The following GBE1 variants were observed in gnomAD, a reference collection of about 807,000 sequenced individuals.
GBE1 encodes 1,4-alpha-glucan branching enzyme 1.
A neutral mutation model predicts 88.8 loss-of-function variants in GBE1; 70 were observed. The ratio of observed to expected loss-of-function variants is 0.79; its 90% CI spans 0.65 to 0.96. The LOEUF (loss-of-function observed/expected upper bound fraction) is 0.96, where lower values mean the gene tolerates loss of function less well. GBE1 is among the 40% of genes least tolerant of loss of function. GBE1 has a pLI of 0.00. For missense variants in GBE1, 872 were observed against 871.0 expected (o/e 1.00, Z -0.01); for synonymous variants, 284 against 300.1 (o/e 0.95, Z 0.56).
At chr3:81,513,224 TGAA>T (rs1702748359) in intron 14 of GBE1, among the ~76,000 whole-genome samples, 1 of 150,512 alleles carries the variant, frequency 6.6e-6, no homozygotes, top group Non-Finnish European at 1.5e-5. Flanking sequence ...AAAGATAACA[TGAA>T]GAATAGGTGG....
chr3:81,697,166 A>G (rs1705608711), intron 2 of GBE1, among the ~76,000 whole-genome samples: 1 of 152,236 alleles, frequency 6.6e-6, no homozygotes, highest in Non-Finnish European at 1.5e-5. Context: ...TTTGGGTTCA[A>G]TTAGTTTGCT....
chr3:81,604,991 AATTTT>A (rs543950314), intron 7 of GBE1, among the ~76,000 whole-genome samples: 3 of 152,248 alleles, frequency 2.0e-5, no homozygotes, highest in Non-Finnish European at 4.4e-5. Context: ...CATATGCCTC[AATTTT>A]TTTTAAATCA....
chr3:81,575,262 A>C (rs562040801), intron 12 of GBE1, among the ~76,000 whole-genome samples: 77 of 152,266 alleles, frequency 5.1e-4, no homozygotes, highest in African/African-American at 1.7e-3. Context: ...TATTTCATAT[A>C]TGATAGAATA....
chr3:81,687,779 T>A (rs1705461142), intron 2 of GBE1, among the ~76,000 whole-genome samples: 1 of 152,064 alleles, frequency 6.6e-6, no homozygotes, highest in Non-Finnish European at 1.5e-5. Flanking sequence ...TCAAAAGAGA[T>A]GAAACGTTGA....
At position 81,648,983 on chromosome 3, in the gene GBE1, A is replaced by C. The variant is rs1466071167; in HGVS notation, c.564T>G (p.His188Gln). 2 of 1,573,042 alleles carry C rather than the reference A, an allele frequency of 1.3e-6. No individual in the cohort carries two copies. Among genetic ancestry groups the C allele is most frequent in the East Asian group, 2.3e-5 (1 of 44,090 alleles). Reference protein sequence around the residue: ...WDPEHSYEFKHSRPKKPRSLR... With the variant: ...WDPEHSYEFKQSRPKKPRSLR... ...GACTCCGTGGCTTCTTTGGTCTGGA[A>C]TGCTTAAACTACAGAATATAAAATT... Residue 188 changes from histidine to glutamine, a missense_variant, in exon 5 of 16, where the codon CAT becomes CAG. Coordinates refer to ENST00000429644, the MANE Select transcript of GBE1 (RefSeq NM_000158.4).
chr3:81,528,059 C>A (rs866056160), intron 14 of GBE1, among the ~76,000 whole-genome samples: 21 of 151,966 alleles, frequency 1.4e-4, no homozygotes, highest in Middle Eastern at 6.8e-3. Context: ...GAGTTCATGT[C>A]CTTTGTAGGG....
intron 14 of GBE1, among the ~76,000 whole-genome samples, chr3:81,533,966 G>A (rs1052805692): frequency 9.9e-5 from 15 of 152,008 alleles, no homozygotes; most frequent in Non-Finnish European, 2.9e-5. Context: ...AAGTGCTGGG[G>A]AAACTAGACG....
intron 12 of GBE1, among the ~76,000 whole-genome samples, chr3:81,565,446 A>G (rs1703478798): frequency 6.6e-6 from 1 of 152,216 alleles, no homozygotes; most frequent in African/African-American, 2.4e-5. Context: ...AAACAACCAC[A>G]GATGGAAGAT....
chr3:81,761,292 G>C (rs1205114391), intron 1 of GBE1, 83 bp downstream of exon 1: 2 of 1,502,558 alleles, frequency 1.3e-6, no homozygotes, highest in Admixed American at 4.1e-5. Context: ...GCGCGCGAGG[G>C]CCGAGGGGCG....
chr3:81,705,641 T>A, intron 1 of GBE1, 28 bp from the exon 2 acceptor site: 3 of 1,448,096 alleles, frequency 2.1e-6, no homozygotes, highest in South Asian at 1.4e-5. Flanking sequence ...AGAAAATGAG[T>A]TAGAAAATTA....
intron 6 of GBE1, among the ~76,000 whole-genome samples, chr3:81,644,540 A>G (rs1349033674): frequency 6.6e-6 from 1 of 152,202 alleles, no homozygotes; most frequent in Non-Finnish European, 1.5e-5. Flanking sequence ...GAGTCAGGCA[A>G]GAAGCACATC....
At chr3:81,573,944 C>T (rs944488053) in intron 12 of GBE1, among the ~76,000 whole-genome samples, 1 of 152,012 alleles carries the variant, frequency 6.6e-6, no homozygotes, top group African/African-American at 2.4e-5. Context: ...ATTGGCTTAT[C>T]CCAAAAATAA....
chr3:81,637,622 G>C (rs374492509), intron 7 of GBE1, among the ~76,000 whole-genome samples: 8 of 151,596 alleles, frequency 5.3e-5, no homozygotes, highest in African/African-American at 1.9e-4. Flanking sequence ...TTTGTCATTG[G>C]GTGAATTGTT....
chr3:81,569,670 T>C (rs932574525), intron 12 of GBE1, among the ~76,000 whole-genome samples: 1 of 152,182 alleles, frequency 6.6e-6, no homozygotes, highest in Admixed American at 6.5e-5. Flanking sequence ...TGGAGAAAAC[T>C]AGCAGTCACG....
chr3:81,696,213 G>A (rs142685359), intron 2 of GBE1, among the ~76,000 whole-genome samples: 96 of 152,276 alleles, frequency 6.3e-4, no homozygotes, highest in Non-Finnish European at 1.2e-3. Context: ...CAGACCAAGC[G>A]TCAAGACTAA....
At chr3:81,609,999 T>C (rs1042951600) in intron 7 of GBE1, among the ~76,000 whole-genome samples, 3 of 152,172 alleles carry the variant, frequency 2.0e-5, no homozygotes, top group Admixed American at 1.3e-4. Flanking sequence ...TCAATAAAGA[T>C]ACAAATGTGA....
chr3:81,564,371 G>A (rs1703462073), intron 12 of GBE1, among the ~76,000 whole-genome samples: 1 of 152,028 alleles, frequency 6.6e-6, no homozygotes, highest in Non-Finnish European at 1.5e-5. Flanking sequence ...CCCAACTGAG[G>A]AGAAATTCAA....
intron 14 of GBE1, among the ~76,000 whole-genome samples, chr3:81,516,276 C>CTA (rs1702797859): frequency 6.6e-6 from 1 of 151,518 alleles, no homozygotes; most frequent in Non-Finnish European, 1.5e-5. Context: ...TTCCAAAAAC[C>CTA]TATGCCCTTA....
chr3:81,743,656 T>C (rs757063140), intron 1 of GBE1: 27 of 1,458,214 alleles, frequency 1.9e-5, no homozygotes, highest in Non-Finnish European at 2.5e-5. Flanking sequence ...TCTAGGGCTA[T>C]TAAAGCAGAC....
Sources: allele counts gnomAD v4.1 joint callset (sites outside exome capture counted in the v4.1 genomes callset), GRCh38; gene constraint gnomAD v4.1.1; transcripts MANE v1.5; gene names NCBI Gene and HGNC (gene_info 2026-07-23, HGNC 2026-07-21).